Variants in GDPGP1 observed in about 807,000 individuals in gnomAD.
GDPGP1 encodes GDP-D-glucose phosphorylase 1.
GDPGP1 carries 18 observed loss-of-function variants against 19.2 expected under a neutral mutation model. That is an observed-to-expected ratio of 0.94 (90% CI 0.65 to 1.39). GDPGP1 has a LOEUF of 1.39. Ranked by LOEUF, GDPGP1 falls within the 40% of genes most tolerant of loss-of-function variation. GDPGP1 has a pLI of 0.00. For synonymous variants in GDPGP1, 219 were observed against 208.9 expected, an observed-to-expected ratio of 1.05 and a Z score of -0.42; for missense variants, 449 against 490.5, an observed-to-expected ratio of 0.92 and a Z score of 0.80.
Position 90,242,431 on chromosome 15 carries a change from C to CTTTTTTTT in GDPGP1, c.*389_*396dup, listed in dbSNP as rs71151576. On this transcript the variant is annotated 3_prime_UTR_variant, in exon 4 of 4. Coordinates refer to ENST00000329600, the MANE Select transcript of GDPGP1 (RefSeq NM_001013657.3). The stretch of plus-strand genomic sequence containing the variant: ...TGAGCCCCTGGATTCTTTTCTGTTT[C>CTTTTTTTT]TTTTTTTTTTTTTTTTTTTTTTTTT... 284 of 65,504 alleles carry CTTTTTTTT rather than the reference C, an allele frequency of 4.3e-3. 16 individuals carry two copies. Among genetic ancestry groups the CTTTTTTTT allele is most frequent in the Non-Finnish European group, 6.2e-3 (204 of 32,786 alleles). The allele number at this position is 65,504 out of a possible 1,614,324, so 4.1% of individuals were successfully genotyped here. A position where few individuals can be genotyped will look rare whatever the true frequency, so the allele number is the denominator to read the frequency against.
chr15:90,241,359 G>C lies in GDPGP1; in HGVS notation c.451G>C (p.Glu151Gln), dbSNP rs755241008. 35 of 1,614,070 alleles carry C rather than the reference G, an allele frequency of 2.2e-5. No individual in the cohort carries two copies. In the East Asian group the frequency reaches 4.7e-4, roughly 22 times the overall value. Residue 151 changes from glutamate (E) to glutamine (Q), a missense_variant, in exon 4 of 4, where the codon GAA (glutamate) becomes CAA (glutamine). Physicochemically the swap from Glu to Gln is conservative, Grantham distance 29. Coordinates refer to ENST00000329600, the MANE Select transcript of GDPGP1 (RefSeq NM_001013657.3). The stretch of plus-strand genomic sequence containing the variant: ...TGATCTCCCTGGGACTCTGCTGCAA[G>C]AAGACATCCTGGTGGTGATCAACGT... ...EPDLPGTLLQEDILVVINVSP... is the reference protein window; with the variant it reads ...EPDLPGTLLQQDILVVINVSP...
intron 2 of GDPGP1, among the ~76,000 whole-genome samples, chr15:90,235,042 G>A (rs970720280): frequency 6.6e-6 from 1 of 152,018 alleles, no homozygotes; most frequent in Admixed American, 6.6e-5. Context: ...CCATTAAATG[G>A]TTAAAAACCC....
At position 90,241,436 on chromosome 15, in the gene GDPGP1, G is replaced by A. The variant is rs1416425823; in HGVS notation, c.528G>A (p.Gln176=). 2 of 1,613,364 alleles carry A rather than the reference G, an allele frequency of 1.2e-6. No individual in the cohort carries two copies. Among genetic ancestry groups the A allele is most frequent in the Non-Finnish European group, 1.7e-6 (2 of 1,180,028 alleles). ...HVLLVPEPAR[Q]LPQRLLPGAL... ...TGCTGGTGCCTGAGCCTGCCCGCCA[G>A]CTCCCCCAGCGCCTGCTGCCGGGTG... is the stretch of plus-strand genomic sequence containing the variant. The change falls in exon 4 of 4, where the codon CAG becomes CAA. Residue 176 remains glutamine (Q), a synonymous_variant. Transcript: ENST00000329600.
intron 2 of GDPGP1, among the ~76,000 whole-genome samples, chr15:90,236,429 G>A (rs946241636): frequency 2.6e-5 from 4 of 152,228 alleles, no homozygotes; most frequent in African/African-American, 9.6e-5. Context: ...ACTTGGCTCT[G>A]AACCCTTCAT....
At chr15:90,234,977 A>G (rs1406896398) in intron 2 of GDPGP1, among the ~76,000 whole-genome samples, 1 of 152,220 alleles carries the variant, frequency 6.6e-6, no homozygotes, top group African/African-American at 2.4e-5. Context: ...CCAATCCATT[A>G]TACTTGCTGA....
intron 2 of GDPGP1, among the ~76,000 whole-genome samples, chr15:90,236,791 C>T (rs1962644929): frequency 6.6e-6 from 1 of 151,920 alleles, no homozygotes; most frequent in African/African-American, 2.4e-5. Context: ...CTCCCTCAGC[C>T]TCCCAAAGTG....
rs1483021823 is a variant in GDPGP1 at position 90,240,978 on chromosome 15, C to T, written c.70C>T (p.Gln24Ter). ...TCCCAACAATGAGGACTGGGGCAGG[C>T]AAACCATTCCTGACTTTGTTTATGG... ...LPPNNEDWGRQTIPDFVYGQK... is the reference protein window; with the variant it reads ...LPPNNEDWGR Residue 24 changes from glutamine (Q) to a stop codon, truncating the protein, a stop_gained, in exon 4 of 4, where the codon CAA (glutamine) becomes TAA (stop). Coordinates refer to ENST00000329600, the MANE Select transcript of GDPGP1 (RefSeq NM_001013657.3). LOFTEE classifies it high-confidence loss of function. The T allele has an allele frequency of 6.2e-7, 1 of 1,613,918 alleles. No homozygotes were observed. The highest frequency in any genetic ancestry group is 8.5e-7 in the Non-Finnish European group (1 of 1,179,958).
chr15:90,237,212 G>A (rs908248038), intron 2 of GDPGP1, among the ~76,000 whole-genome samples: 10 of 151,260 alleles, frequency 6.6e-5, no homozygotes, highest in Non-Finnish European at 1.3e-4. Context: ...ACCCACCTTG[G>A]CCCCCCAGAG....
rs896846378 is a variant in GDPGP1 at position 90,244,372 on chromosome 15, ATTT to A, written c.*2313_*2315del. ...GTCTGCATCTGAGTCAATGTGGGAA[ATTT>A]TTTTTTATCTCATTGCTTTGTTCTG... On this transcript the variant is annotated 3_prime_UTR_variant, in exon 4 of 4. Transcript: ENST00000329600. 5.9e-5 allele frequency: 9 copies of A among 151,822 alleles called. No individual in the cohort carries two copies. The highest frequency in any genetic ancestry group is 2.2e-4 in the African/African-American group (9 of 41,370). 9.4% of individuals were successfully genotyped at this position (151,822 alleles called of 1,614,324 possible). A position where few individuals can be genotyped will look rare whatever the true frequency, so the allele number is the denominator to read the frequency against.
Position 90,241,662 on chromosome 15 carries a change from G to C in GDPGP1, c.754G>C (p.Ala252Pro), listed in dbSNP as rs1450887994. The change falls in exon 4 of 4, where the codon GCT (alanine) becomes CCT (proline). Residue 252 changes from alanine to proline, a missense_variant. Ala to Pro is a conservative substitution (Grantham distance 27). Transcript: ENST00000329600. ...GHLHLLQDLP[A>P]PGFLFYTRGP... ...TTTGCATCTGCTCCAGGACCTCCCA[G>C]CTCCTGGCTTCCTCTTTTACACTCG... 2 of 1,614,120 alleles carry C rather than the reference G, an allele frequency of 1.2e-6. No homozygotes were observed. The highest frequency in any genetic ancestry group is 1.1e-5 in the South Asian group (1 of 91,088).
chr15:90,235,913 T>G (rs1962627659), intron 2 of GDPGP1: 1 of 152,006 alleles, frequency 6.6e-6, no homozygotes, highest in Non-Finnish European at 1.5e-5. Context: ...CGAGAAAGAG[T>G]TAGTCTTCTG....
chr15:90,238,680 T>C (rs1391828731), intron 3 of GDPGP1, 132 bp downstream of exon 3: 1 of 152,142 alleles, frequency 6.6e-6, no homozygotes, highest in South Asian at 2.1e-4. Flanking sequence ...AGGTTGGCCC[T>C]GGACACTTAC....
At position 90,241,538 on chromosome 15, in the gene GDPGP1, C is replaced by A; in HGVS notation, c.630C>A (p.Gly210=). The A allele has an allele frequency of 6.2e-7, 1 of 1,613,466 alleles. No individual in the cohort carries two copies. The highest frequency in any genetic ancestry group is 1.1e-5 in the South Asian group (1 of 91,078). ...GFRVGFNSLG[G]LASVNHLHLH... ...GTGTCGGCTTCAACAGCCTGGGAGG[C>A]TTGGCCTCGGTGAACCACCTCCACC... Residue 210 remains glycine (G), a synonymous_variant, in exon 4 of 4, where the codon GGC becomes GGA. Coordinates refer to ENST00000329600, the MANE Select transcript of GDPGP1 (RefSeq NM_001013657.3).
In GDPGP1 at chr15:90,241,361, A is replaced by C. The variant is rs779185782; in HGVS notation, c.453A>C (p.Glu151Asp). 1.9e-6 allele frequency: 3 copies of C among 1,614,190 alleles called. No individual in the cohort carries two copies. The highest frequency in any genetic ancestry group is 4.5e-5 in the East Asian group (2 of 44,894). The change falls in exon 4 of 4, where the codon GAA becomes GAC. Residue 151 changes from glutamate to aspartate, a missense_variant. Transcript: ENST00000329600. Reference protein sequence around the residue: ...EPDLPGTLLQEDILVVINVSP... With the variant: ...EPDLPGTLLQDDILVVINVSP... Reference sequence around the variant, plus strand: ...ATCTCCCTGGGACTCTGCTGCAAGAAGACATCCTGGTGGTGATCAACGTCA... The same window carrying C: ...ATCTCCCTGGGACTCTGCTGCAAGACGACATCCTGGTGGTGATCAACGTCA...
Position 90,241,116 on chromosome 15 carries a change from C to A in GDPGP1, c.208C>A (p.Arg70=), listed in dbSNP as rs758935148. ...DAALCSAWKQ[R]VELGLFRYRL... ...TGCACTCTGCTCTGCCTGGAAGCAG[C>A]GGGTGGAGCTGGGGCTGTTTCGCTA... is the stretch of plus-strand genomic sequence containing the variant. Residue 70 remains arginine, a synonymous_variant, in exon 4 of 4, where the codon CGG becomes AGG. Coordinates refer to ENST00000329600, the MANE Select transcript of GDPGP1 (RefSeq NM_001013657.3). 1 of 1,614,114 alleles carries A rather than the reference C, an allele frequency of 6.2e-7. No individual in the cohort carries two copies. Among genetic ancestry groups the A allele is most frequent in the South Asian group, 1.1e-5 (1 of 91,088 alleles).
At chr15:90,236,970 A>AT (rs570381202) in intron 2 of GDPGP1, among the ~76,000 whole-genome samples, 2 of 147,358 alleles carry the variant, frequency 1.4e-5, no homozygotes, top group East Asian at 4.1e-4. Flanking sequence ...TATTTTATTT[A>AT]TTTTTTTGAG....
intron 3 of GDPGP1, among the ~76,000 whole-genome samples, 194 bp downstream of exon 3, chr15:90,238,742 A>T (rs1962686787): frequency 1.3e-5 from 2 of 152,188 alleles, no homozygotes; most frequent in Admixed American, 1.3e-4. Flanking sequence ...GACCAATTGG[A>T]ATCACTATGG....
chr15:90,239,384 G>C (rs1484657224), intron 3 of GDPGP1, among the ~76,000 whole-genome samples: 1 of 150,928 alleles, frequency 6.6e-6, no homozygotes, highest in Non-Finnish European at 1.5e-5. Context: ...CCCAAGACTG[G>C]GTAATTTATA....
chr15:90,241,497 T>C lies in GDPGP1; in HGVS notation c.589T>C (p.Leu197=), dbSNP rs1266655310. The C allele has an allele frequency of 6.2e-7, 1 of 1,613,806 alleles. No homozygotes were observed. Among genetic ancestry groups the C allele is most frequent in the Non-Finnish European group, 8.5e-7 (1 of 1,180,030 alleles). The change falls in exon 4 of 4, where the codon TTA becomes CTA. Residue 197 remains leucine, a synonymous_variant. Coordinates refer to ENST00000329600, the MANE Select transcript of GDPGP1 (RefSeq NM_001013657.3). ...AGGGATTGAGGCTGTGCTGCTGAGC[T>C]TACACCCGGGCTTCCGTGTCGGCTT... is the stretch of plus-strand genomic sequence containing the variant. ...RAGIEAVLLS[L]HPGFRVGFNS... is the part of the protein sequence containing the mutation.
Sources: allele counts gnomAD v4.1 joint callset (sites outside exome capture counted in the v4.1 genomes callset), GRCh38; gene constraint gnomAD v4.1.1; transcripts MANE v1.5; gene names NCBI Gene and HGNC (gene_info 2026-07-23, HGNC 2026-07-21).